Variants in PTPRT observed in about 807,000 individuals in gnomAD.
PTPRT encodes the protein protein tyrosine phosphatase receptor type T, also known as receptor-type tyrosine-protein phosphatase T.
A neutral mutation model predicts 176.8 loss-of-function variants in PTPRT; 56 were observed. The ratio of observed to expected loss-of-function variants is 0.32; its 90% CI spans 0.26 to 0.40. The LOEUF is 0.40. Among genes scored for constraint, PTPRT ranks in the 10% least tolerant of loss-of-function variants. The pLI is 1.00. For missense variants in PTPRT, 1,540 were observed against 1,908.2 expected (o/e 0.81, Z 3.60); for synonymous variants, 783 against 739.0 (o/e 1.06, Z -0.96).
At chr20:42,949,708 G>A (rs539976932) in intron 1 of PTPRT, among the ~76,000 whole-genome samples, 5 of 152,256 alleles carry the variant, frequency 3.3e-5, no homozygotes, top group East Asian at 1.9e-4. Flanking sequence ...TACATTATTA[G>A]GTTTTGAAGT....
intron 2 of PTPRT, among the ~76,000 whole-genome samples, chr20:42,880,142 C>A (rs1037853153): frequency 6.6e-6 from 1 of 152,024 alleles, no homozygotes. Context: ...TGCACCTGGG[C>A]TGGCTGGGCT....
At chr20:43,164,751 T>A (rs959095125) in intron 1 of PTPRT, among the ~76,000 whole-genome samples, 1 of 152,234 alleles carries the variant, frequency 6.6e-6, no homozygotes, top group Non-Finnish European at 1.5e-5. Context: ...TGGGCAGGGC[T>A]CTGCTCCAAT....
intron 27 of PTPRT, among the ~76,000 whole-genome samples, chr20:42,097,271 A>G (rs918363025): frequency 4.6e-5 from 7 of 152,140 alleles, no homozygotes. Flanking sequence ...CAGCCTCACT[A>G]CATTCTTCTC....
At chr20:43,008,981 T>C (rs1200588011) in intron 1 of PTPRT, among the ~76,000 whole-genome samples, 2 of 152,188 alleles carry the variant, frequency 1.3e-5, no homozygotes, top group Admixed American at 1.3e-4. Flanking sequence ...TGTCAAGGGC[T>C]TCCTTCTGGA....
intron 1 of PTPRT, among the ~76,000 whole-genome samples, chr20:43,031,208 A>G (rs1343325604): frequency 1.3e-5 from 2 of 152,150 alleles, no homozygotes; most frequent in Non-Finnish European, 2.9e-5. Context: ...GAAGGACGTT[A>G]CCAGGACAAG....
At chr20:42,498,578 A>G (rs1317196543) in intron 7 of PTPRT, among the ~76,000 whole-genome samples, 3 of 152,156 alleles carry the variant, frequency 2.0e-5, no homozygotes, top group Admixed American at 1.3e-4. Context: ...GTTATATTCT[A>G]TAGAGACTCT....
At chr20:43,075,326 G>A (rs1461097413) in intron 1 of PTPRT, among the ~76,000 whole-genome samples, 1 of 152,224 alleles carries the variant, frequency 6.6e-6, no homozygotes, top group East Asian at 1.9e-4. Flanking sequence ...TACCTGGCAC[G>A]GTGAAGAGTC....
chr20:42,412,465 C>A (rs1043445375), intron 9 of PTPRT, among the ~76,000 whole-genome samples: 2 of 152,312 alleles, frequency 1.3e-5, no homozygotes, highest in African/African-American at 4.8e-5. Context: ...CGATACAGTG[C>A]AAAATGGTAC....
chr20:43,175,402 A>G (rs902198524), intron 1 of PTPRT, among the ~76,000 whole-genome samples: 6 of 152,394 alleles, frequency 3.9e-5, no homozygotes, highest in African/African-American at 1.2e-4. Flanking sequence ...ATTTGTCTTG[A>G]AAAGATGACA....
intron 7 of PTPRT, among the ~76,000 whole-genome samples, chr20:42,608,364 A>G (rs1467170479): frequency 1.3e-5 from 2 of 152,154 alleles, no homozygotes; most frequent in African/African-American, 4.8e-5. Context: ...CGTGATGTAA[A>G]TACCCGTGCT....
In PTPRT at chr20:42,701,196, G is replaced by A. The variant is rs188948634; in HGVS notation, c.860-23037C>T. ...TTATCACACTGGGAAGGAAGAGAGT[G>A]GGGATACATTTCCACGGGATTTTAG... On this transcript the variant is annotated intron_variant, in intron 6 of 30. Transcript: ENST00000373187. Among the ~76,000 whole-genome samples, 155 of 152,252 alleles carry A rather than the reference G, an allele frequency of 1.0e-3. 1 individual carries two copies. Among genetic ancestry groups the A allele is most frequent in the South Asian group, 8.9e-3 (43 of 4,826 alleles).
chr20:42,647,220 T>C (rs1029901908), intron 7 of PTPRT, among the ~76,000 whole-genome samples: 5 of 152,000 alleles, frequency 3.3e-5, no homozygotes, highest in Non-Finnish European at 4.4e-5. Context: ...ATAGTTATGA[T>C]ATGCTTGTAT....
chr20:42,576,215 C>T (rs1306265412), intron 7 of PTPRT, among the ~76,000 whole-genome samples: 1 of 152,148 alleles, frequency 6.6e-6, no homozygotes, highest in Non-Finnish European at 1.5e-5. Flanking sequence ...CAATTCCACC[C>T]TTCCCTCTCC....
In PTPRT at chr20:42,633,967, AT is replaced by A. The variant is rs1480512341; in HGVS notation, c.1153+43898del. 5.8e-4 allele frequency among the ~76,000 whole-genome samples: 19 copies of A among 32,578 alleles called. 1 individual carries two copies. The highest frequency in any genetic ancestry group is 3.7e-3 in the South Asian group (6 of 1,610). The allele number at this position is 32,578 out of a possible 152,430, so 21.4% of individuals were successfully genotyped here. ...TATAATATATAATTATATATAATAT[AT>A]TATAATATATTATATATTATATTAT... On this transcript the variant is annotated intron_variant, in intron 7 of 30. Coordinates refer to ENST00000373187, the MANE Select transcript of PTPRT (RefSeq NM_007050.6).
At chr20:42,738,998 G>A (rs2076572200) in intron 6 of PTPRT, among the ~76,000 whole-genome samples, 1 of 152,150 alleles carries the variant, frequency 6.6e-6, no homozygotes, top group East Asian at 1.9e-4. Context: ...AGCCTGGGAG[G>A]TTGAAGCTGC....
intron 13 of PTPRT, among the ~76,000 whole-genome samples, chr20:42,265,409 G>T (rs572696469): frequency 6.4e-4 from 97 of 152,202 alleles, no homozygotes; most frequent in Non-Finnish European, 1.3e-3. Flanking sequence ...TGGCAGAGTT[G>T]CTGGGAAGTT....
At position 42,989,670 on chromosome 20, in the gene PTPRT, C is replaced by T. The variant is rs1213422820; in HGVS notation, c.89-103738G>A. ...TGTTTTCATTCCCAAACACTTGATTCCATTTCCCCAGCCACTCCCTCCTCC... is the reference window on the plus strand; with the variant it reads ...TGTTTTCATTCCCAAACACTTGATTTCATTTCCCCAGCCACTCCCTCCTCC... On this transcript the variant is annotated intron_variant, in intron 1 of 30. Transcript: ENST00000373187. Among the ~76,000 whole-genome samples the T allele has an allele frequency of 2.0e-5, 3 of 152,240 alleles. No homozygotes were observed. The East Asian group carries it at 5.8e-4, about 29-fold the overall frequency.
chr20:42,604,379 C>T lies in PTPRT; in HGVS notation c.1153+73487G>A, dbSNP rs537058315. Among the ~76,000 whole-genome samples the T allele has an allele frequency of 2.0e-4, 30 of 152,282 alleles. No homozygotes were observed. In the South Asian group the frequency reaches 5.0e-3, roughly 25 times the overall value. ...TTGGGCATGAGATGGTGGGGCCATG[C>T]GATCCCTCTGGAGACAGGAATCTGG... is the stretch of plus-strand genomic sequence containing the variant. On this transcript the variant is annotated intron_variant, in intron 7 of 30. Transcript: ENST00000373187.
chr20:42,776,946 T>C (rs1229676299), intron 4 of PTPRT, among the ~76,000 whole-genome samples: 2 of 151,992 alleles, frequency 1.3e-5, no homozygotes, highest in East Asian at 1.9e-4. Context: ...TAGAAGTCCA[T>C]GAAGACAGAC....
Sources: allele counts gnomAD v4.1 joint callset (sites outside exome capture counted in the v4.1 genomes callset), GRCh38; gene constraint gnomAD v4.1.1; transcripts MANE v1.5; gene names NCBI Gene and HGNC (gene_info 2026-07-23, HGNC 2026-07-21).